Variants in DMTN observed in about 807,000 individuals in gnomAD.
DMTN encodes dematin actin binding protein.
Under a neutral mutation model 59.4 loss-of-function variants are expected in DMTN, and 27 were observed. That is an observed-to-expected ratio of 0.45 (90% confidence interval 0.33 to 0.63). The LOEUF (loss-of-function observed/expected upper bound fraction) is 0.63. DMTN is among the 20% of genes least tolerant of loss of function. DMTN has a pLI of 0.02. For missense variants in DMTN, 451 were observed against 528.9 expected (o/e 0.85, Z 1.45); for synonymous variants, 221 against 203.7 (o/e 1.08, Z -0.72).
Position 22,080,602 on chromosome 8 carries a change from C to G in DMTN, c.950-16C>G. Reference sequence around the variant, plus strand: ...CCTCAGAGCTGCATCTGACCCATGCCCCTTCTCTCCCGCAGGCCTGCAGGT... The same window carrying G: ...CCTCAGAGCTGCATCTGACCCATGCGCCTTCTCTCCCGCAGGCCTGCAGGT... On this transcript the variant is annotated splice_polypyrimidine_tract_variant and intron_variant, in intron 12 of 15. Coordinates refer to ENST00000358242, the MANE Select transcript of DMTN (RefSeq NM_001387751.1). The G allele has an allele frequency of 7.5e-6, 12 of 1,609,528 alleles. No individual in the cohort carries two copies. The highest frequency in any genetic ancestry group is 1.0e-5 in the Non-Finnish European group (12 of 1,177,854).
intron 10 of DMTN, among the ~76,000 whole-genome samples, chr8:22,076,140 G>C (rs1437594598): frequency 3.3e-5 from 5 of 152,196 alleles, no homozygotes; most frequent in Admixed American, 3.3e-4. Flanking sequence ...AGGGAAAGAT[G>C]AGAGACTGGT....
intron 1 of DMTN, among the ~76,000 whole-genome samples, chr8:22,057,365 G>A (rs1385951481): frequency 6.6e-6 from 1 of 152,140 alleles, no homozygotes; most frequent in East Asian, 1.9e-4. Flanking sequence ...GATGAGAACT[G>A]CTCCCAGCCC....
chr8:22,074,016 A>G (rs1162253921), intron 10 of DMTN, among the ~76,000 whole-genome samples, 181 bp downstream of exon 10: 3 of 152,250 alleles, frequency 2.0e-5, no homozygotes, highest in Non-Finnish European at 2.9e-5. Flanking sequence ...ATCGGCTAAA[A>G]TAGAATTCAG....
At position 22,081,487 on chromosome 8, in the gene DMTN, G is replaced by T. The variant is rs1563558876; in HGVS notation, c.*24G>T. On this transcript the variant is annotated 3_prime_UTR_variant, in exon 16 of 16. Transcript: ENST00000358242. ...GATGGCCCCCACCTGCTCCGGGACG[G>T]CCCCCTTACCCCTGCTGCTTCAGGG... The T allele has an allele frequency of 4.4e-6, 7 of 1,601,354 alleles. No homozygotes were observed. Among genetic ancestry groups the T allele is most frequent in the Non-Finnish European group, 5.1e-6 (6 of 1,168,714 alleles).
chr8:22,049,092 G>T (rs1317628460), upstream of DMTN: 3 of 148,016 alleles, frequency 2.0e-5, no homozygotes, highest in African/African-American at 7.4e-5. Context: ...GGGCCGGGAC[G>T]TGCATCCAGC....
At chr8:22,076,221 G>A (rs1417746389) in intron 10 of DMTN, among the ~76,000 whole-genome samples, 1 of 152,124 alleles carries the variant, frequency 6.6e-6, no homozygotes, top group African/African-American at 2.4e-5. Context: ...GCAGAGTTGG[G>A]AGCTTGAGGG....
chr8:22,078,334 C>T (rs1464099605), intron 10 of DMTN, among the ~76,000 whole-genome samples: 2 of 151,052 alleles, frequency 1.3e-5, no homozygotes, highest in East Asian at 2.0e-4. Flanking sequence ...CACTGCACTC[C>T]AGCCTAGGCA....
chr8:22,079,751 C>T (rs1475094790), intron 10 of DMTN, among the ~76,000 whole-genome samples: 2 of 151,468 alleles, frequency 1.3e-5, no homozygotes, highest in African/African-American at 2.4e-5. Flanking sequence ...TGAGCCACCA[C>T]TCCTGGCCAA....
intron 5 of DMTN, 103 bp downstream of exon 5, chr8:22,069,163 G>A (rs2131006461): frequency 1.5e-6 from 2 of 1,348,410 alleles, no homozygotes; most frequent in Non-Finnish European, 2.0e-6. Flanking sequence ...CCCAGGGAGT[G>A]CCCGAATCAG....
intron 10 of DMTN, among the ~76,000 whole-genome samples, chr8:22,078,993 T>G (rs935266826): frequency 2.8e-4 from 42 of 151,312 alleles, no homozygotes; most frequent in African/African-American, 9.7e-4. Flanking sequence ...CGAGACGGGG[T>G]TTCACCATGT....
chr8:22,060,926 G>A lies in DMTN; in HGVS notation c.-172+3790G>A, dbSNP rs1473519754. ...AGTCTCAACTTCTTCATGTGCAAAC[G>A]AGGTACTCGCCAATCCAAGCCAACC... On this transcript the variant is annotated intron_variant, in intron 1 of 15. Transcript: ENST00000358242. This position sits in a 1 kb window ranked among gnomAD's most constrained non-coding sequence, Gnocchi z 5.0. Among the ~76,000 whole-genome samples the A allele has an allele frequency of 1.3e-5, 2 of 152,270 alleles. No individual in the cohort carries two copies. The highest frequency in any genetic ancestry group is 2.1e-4 in the South Asian group (1 of 4,818).
chr8:22,069,688 C>G (rs556729981), intron 6 of DMTN, among the ~76,000 whole-genome samples, 170 bp downstream of exon 6: 1 of 152,276 alleles, frequency 6.6e-6, no homozygotes, highest in Non-Finnish European at 1.5e-5. Context: ...CACTTTTTCT[C>G]TCTCCCCCAG....
At chr8:22,063,278 C>T (rs1465236521) in intron 1 of DMTN, among the ~76,000 whole-genome samples, 1 of 152,168 alleles carries the variant, frequency 6.6e-6, no homozygotes, top group Non-Finnish European at 1.5e-5. Flanking sequence ...GCCCTCTCTC[C>T]TTCCTGCCCA....
upstream of DMTN, among the ~76,000 whole-genome samples, chr8:22,054,141 C>A (rs1801709839): frequency 6.6e-6 from 1 of 151,972 alleles, no homozygotes. Context: ...CACACACAGC[C>A]CAGATCCCTG....
At chr8:22,059,973 G>C (rs1032170643) in intron 1 of DMTN, among the ~76,000 whole-genome samples, 2 of 152,128 alleles carry the variant, frequency 1.3e-5, no homozygotes, top group African/African-American at 4.8e-5. Context: ...GGAGAGGAGA[G>C]GGTGGTGGGT....
rs563925515 is a variant in DMTN at position 22,060,678 on chromosome 8, G to A, written c.-172+3542G>A. Among the ~76,000 whole-genome samples, 11 of 152,236 alleles carry A rather than the reference G, an allele frequency of 7.2e-5. No homozygotes were observed. Among genetic ancestry groups the A allele is most frequent in the Non-Finnish European group, 1.5e-4 (10 of 68,038 alleles). On this transcript the variant is annotated intron_variant, in intron 1 of 15. Coordinates refer to ENST00000358242, the MANE Select transcript of DMTN (RefSeq NM_001387751.1). This position sits in a 1 kb window ranked among gnomAD's most constrained non-coding sequence, Gnocchi z 5.0. ...GGTGGCACCAGGGTGCAGGGCCCTG[G>A]CTGACCCCAGGAAGCAGACCCAGAT...
intron 3 of DMTN, among the ~76,000 whole-genome samples, 161 bp downstream of exon 3, chr8:22,067,320 C>G (rs1056723829): frequency 6.6e-6 from 1 of 152,180 alleles, no homozygotes; most frequent in Non-Finnish European, 1.5e-5. Flanking sequence ...TCCCATATCC[C>G]CCTTCCACTG....
chr8:22,068,590 G>A (rs1044801899), intron 4 of DMTN, among the ~76,000 whole-genome samples: 3 of 151,822 alleles, frequency 2.0e-5, no homozygotes, highest in Non-Finnish European at 4.4e-5. Flanking sequence ...AGGGATAGAG[G>A]AGAAAGAATA....
intron 8 of DMTN, 114 bp downstream of exon 8, chr8:22,070,448 G>A (rs527396472): frequency 9.7e-6 from 13 of 1,340,190 alleles, no homozygotes; most frequent in East Asian, 2.8e-5. Flanking sequence ...TGGTGTCCTC[G>A]TGGGCTTTTT....
Sources: allele counts gnomAD v4.1 joint callset (sites outside exome capture counted in the v4.1 genomes callset), GRCh38; gene constraint gnomAD v4.1.1; non-coding constraint Gnocchi (gnomAD v3.1); transcripts MANE v1.5; gene names NCBI Gene and HGNC (gene_info 2026-07-23, HGNC 2026-07-21).